The following EPB41L2 variants were observed in gnomAD, a reference collection of about 807,000 sequenced individuals.
The protein encoded by EPB41L2 is band 4.1-like protein 2.
A neutral mutation model predicts 113.0 loss-of-function variants in EPB41L2; 43 were observed. The observed-to-expected ratio is 0.38, with a 90% CI of 0.30 to 0.49. The LOEUF is 0.49. Among genes scored for constraint, EPB41L2 ranks in the 20% least tolerant of loss-of-function variants. The pLI is 0.95. For missense variants in EPB41L2, 1,147 were observed against 1,223.4 expected (o/e 0.94, Z 0.93); for synonymous variants, 442 against 436.7 (o/e 1.01, Z -0.15).
At chr6:130,963,767 G>A (rs140799345) in intron 1 of EPB41L2, among the ~76,000 whole-genome samples, 1 of 151,978 alleles carries the variant, frequency 6.6e-6, no homozygotes, top group African/African-American at 2.4e-5. Flanking sequence ...AATCATGAAG[G>A]ACTCTAATAT....
At chr6:130,911,784 G>A (rs2128517870) in intron 4 of EPB41L2, among the ~76,000 whole-genome samples, 1 of 152,190 alleles carries the variant, frequency 6.6e-6, no homozygotes, top group Non-Finnish European at 1.5e-5. Flanking sequence ...CTACCCTCAA[G>A]TTATCACTAA....
intron 15 of EPB41L2, chr6:130,867,788 G>A: frequency 1.8e-6 from 1 of 546,348 alleles, no homozygotes; most frequent in Non-Finnish European, 3.3e-6. Context: ...ATACATACAT[G>A]TGCACATAGA....
intron 3 of EPB41L2, among the ~76,000 whole-genome samples, chr6:130,946,474 C>T (rs1465053727): frequency 3.3e-5 from 5 of 152,022 alleles, no homozygotes. Flanking sequence ...TAAAAGAACA[C>T]AAATTTCAAA....
intron 1 of EPB41L2, among the ~76,000 whole-genome samples, chr6:131,061,814 TAAA>T (rs1394475902): frequency 6.6e-6 from 1 of 150,558 alleles, no homozygotes; most frequent in Non-Finnish European, 1.5e-5. Context: ...AAAAAAACAA[TAAA>T]AACGTAGGGT....
intron 3 of EPB41L2, among the ~76,000 whole-genome samples, chr6:130,942,460 A>C (rs1175510061): frequency 6.6e-6 from 1 of 152,264 alleles, no homozygotes; most frequent in African/African-American, 2.4e-5. Flanking sequence ...GAAATAAAAC[A>C]GTAATGATGA....
chr6:130,869,913 C>T lies in EPB41L2; in HGVS notation c.2257G>A (p.Val753Met), dbSNP rs748999213. Reference protein sequence around the residue: ...SSSSESEEEDVGEYRPHHRVT... With the variant: ...SSSSESEEEDMGEYRPHHRVT... ...CGGTGGTGGGGACGGTACTCTCCCA[C>T]GTCTTCCTCCTCACTCTCACTGCTG... Residue 753 changes from valine to methionine, a missense_variant, in exon 15 of 20, where the codon GTG becomes ATG. By Grantham distance (21) the Val-to-Met change is conservative (BLOSUM62 1). Transcript: ENST00000337057. 1.1e-5 allele frequency: 17 copies of T among 1,612,590 alleles called. No individual in the cohort carries two copies. Among genetic ancestry groups the T allele is most frequent in the Middle Eastern group, 1.6e-4 (1 of 6,084 alleles).
rs766226490 is a variant in EPB41L2, at chr6:130,956,367, T to A, written c.119A>T (p.Asp40Val). The A allele has an allele frequency of 6.2e-7, 1 of 1,614,210 alleles. No individual in the cohort carries two copies. The highest frequency in any genetic ancestry group is 8.5e-7 in the Non-Finnish European group (1 of 1,180,040). ...VAENQQNQSS[D>V]PEEEKGSQPP... ...CTGGGAACCTTTTTCCTCCTCTGGA[T>A]CGGAAGACTGATTCTGCTGATTTTC... The change falls in exon 2 of 20, where the codon GAT becomes GTT. Residue 40 changes from aspartate to valine, a missense_variant. Physicochemically the swap from Asp to Val is radical, Grantham distance 152. Coordinates refer to ENST00000337057, the MANE Select transcript of EPB41L2 (RefSeq NM_001431.4).
chr6:131,056,924 G>A (rs1797708969), intron 1 of EPB41L2, among the ~76,000 whole-genome samples: 1 of 152,120 alleles, frequency 6.6e-6, no homozygotes. Flanking sequence ...AAGAATATGA[G>A]TGGCCAGGAT....
At chr6:130,923,869 A>G (rs1803717991) in intron 4 of EPB41L2, among the ~76,000 whole-genome samples, 1 of 152,208 alleles carries the variant, frequency 6.6e-6, no homozygotes, top group Non-Finnish European at 1.5e-5. Context: ...CATTTTAACC[A>G]TTTATTAATA....
At chr6:130,880,230 G>C (rs776449952) in intron 12 of EPB41L2, 24 bp from the exon 13 acceptor site, 2 of 1,549,624 alleles carry the variant, frequency 1.3e-6, no homozygotes, top group African/African-American at 1.4e-5. Flanking sequence ...TCACACACAG[G>C]GGGGAAAAGG....
At chr6:130,984,519 C>A (rs1780073645) in intron 1 of EPB41L2, among the ~76,000 whole-genome samples, 1 of 152,172 alleles carries the variant, frequency 6.6e-6, no homozygotes, top group Non-Finnish European at 1.5e-5. Flanking sequence ...TTATTCACCT[C>A]CACTAGAATC....
At chr6:130,928,746 C>T (rs1203134276) in intron 3 of EPB41L2, among the ~76,000 whole-genome samples, 1 of 152,250 alleles carries the variant, frequency 6.6e-6, no homozygotes, top group Non-Finnish European at 1.5e-5. Context: ...GTTCCTCTAT[C>T]GGACCTAGTT....
chr6:130,934,454 G>T (rs1203998073), intron 3 of EPB41L2, among the ~76,000 whole-genome samples: 2 of 152,024 alleles, frequency 1.3e-5, no homozygotes, highest in African/African-American at 4.8e-5. Flanking sequence ...CATAAATATA[G>T]AAGACATATA....
intron 1 of EPB41L2, among the ~76,000 whole-genome samples, chr6:131,008,164 G>A (rs1786037734): frequency 6.6e-6 from 1 of 152,150 alleles, no homozygotes; most frequent in Non-Finnish European, 1.5e-5. Context: ...TTTGTGGGCT[G>A]GGCCCAGGGT....
At chr6:130,886,726 T>TA (rs1791121977) in intron 11 of EPB41L2, among the ~76,000 whole-genome samples, 1 of 152,122 alleles carries the variant, frequency 6.6e-6, no homozygotes, top group Admixed American at 6.5e-5. Flanking sequence ...CTCCATTTCC[T>TA]AGGTTCAAGC....
At chr6:131,030,164 G>A (rs1162766383) in intron 1 of EPB41L2, among the ~76,000 whole-genome samples, 3 of 152,174 alleles carry the variant, frequency 2.0e-5, no homozygotes, top group African/African-American at 7.2e-5. Context: ...GTCGGCAAGA[G>A]GCAAAGGCAG....
At chr6:130,899,172 G>C (rs1190014508) in intron 8 of EPB41L2, among the ~76,000 whole-genome samples, 2 of 151,998 alleles carry the variant, frequency 1.3e-5, no homozygotes, top group African/African-American at 4.8e-5. Context: ...CACAGCACTT[G>C]GCCTAGCAGA....
In EPB41L2 at chr6:130,926,671, A is replaced by G; in HGVS notation, c.744T>C (p.Cys248=). Residue 248 remains cysteine, a synonymous_variant, in exon 4 of 20, where the codon TGT becomes TGC. Coordinates refer to ENST00000337057, the MANE Select transcript of EPB41L2 (RefSeq NM_001431.4). ...AKGQVLFDKV[C]EHLNLLEKDY... ...CTTTCTCCAAGAGATTGAGGTGTTCACACACTTTGTCAAATAACACTTGTC... is the reference window on the plus strand; with the variant it reads ...CTTTCTCCAAGAGATTGAGGTGTTCGCACACTTTGTCAAATAACACTTGTC... 1 of 1,609,624 alleles carries G rather than the reference A, an allele frequency of 6.2e-7. No homozygotes were observed. The highest frequency in any genetic ancestry group is 1.1e-5 in the South Asian group (1 of 89,154).
intron 1 of EPB41L2, among the ~76,000 whole-genome samples, chr6:131,046,058 C>T (rs184638540): frequency 8.6e-5 from 13 of 150,424 alleles, no homozygotes; most frequent in Admixed American, 7.3e-4. Context: ...GGGATCCTCC[C>T]GCCTCAGTCT....
Sources: gnomAD v4.1 joint callset for allele counts (sites outside exome capture counted in the v4.1 genomes callset) on GRCh38, gnomAD v4.1.1 for gene constraint, MANE v1.5 for transcripts, NCBI Gene and HGNC (gene_info 2026-07-23, HGNC 2026-07-21) for gene names.